The following MALAT1 variants were observed in gnomAD, a reference collection of about 807,000 sequenced individuals.
The protein encoded by MALAT1 is hepcarcin.
exon 3 of MALAT1, chr11:65,502,708 G>C (rs1302979559): frequency 3.9e-6 from 2 of 510,374 alleles, no homozygotes; most frequent in Admixed American, 2.0e-5. Context: ...AGAGAAAACA[G>C]CTCCTTGGTG....
At chr11:65,505,385 G>T (rs776268829) in intron 3 of MALAT1, 44 of 517,100 alleles carry the variant, frequency 8.5e-5, no homozygotes, top group South Asian at 6.2e-4. Context: ...AGTACCCCTG[G>T]GCTTCTCTTA....
exon 3 of MALAT1, chr11:65,499,432 AAC>A (rs1364163643): frequency 8.4e-6 from 4 of 476,908 alleles, no homozygotes; most frequent in Non-Finnish European, 1.7e-5. Flanking sequence ...AGGTGACTTA[AAC>A]AGCTTAAAGT....
chr11:65,498,225 C>G (rs536000823), intron 1 of MALAT1: 39 of 518,868 alleles, frequency 7.5e-5, no homozygotes, highest in Admixed American at 2.3e-4. Flanking sequence ...CTTAGTTGGT[C>G]TACTTTAAAA....
At chr11:65,500,730 A>G (rs972470068) in exon 3 of MALAT1, 7 of 518,920 alleles carry the variant, frequency 1.3e-5, no homozygotes, top group African/African-American at 1.3e-4. Flanking sequence ...CCAGCATGCC[A>G]GTGTGCCAAG....
At chr11:65,501,283 T>C in exon 3 of MALAT1, 1 of 518,344 alleles carries the variant, frequency 1.9e-6, no homozygotes, top group Non-Finnish European at 3.9e-6. Flanking sequence ...CTTAGGTCTG[T>C]CTAGAATCCT....
At chr11:65,502,822 CA>C in exon 3 of MALAT1, 3 of 507,568 alleles carry the variant, frequency 5.9e-6, no homozygotes, top group Admixed American at 2.0e-5. Flanking sequence ...CTGCATATGC[CA>C]AAAAATTTTA....
chr11:65,501,743 A>T (rs1376107718), exon 3 of MALAT1: 1 of 519,020 alleles, frequency 1.9e-6, no homozygotes, highest in Non-Finnish European at 3.8e-6. Flanking sequence ...GCTTTGGTTC[A>T]TATTCAGTCA....
At chr11:65,500,140 T>G (rs539395261) in exon 3 of MALAT1, 1 of 499,312 alleles carries the variant, frequency 2.0e-6, no homozygotes, top group Non-Finnish European at 4.0e-6. Context: ...GAAGGGGAAG[T>G]TGGTTAAAAA....
exon 4 of MALAT1, chr11:65,506,377 C>T (rs1373644395): frequency 6.9e-6 from 3 of 434,232 alleles, no homozygotes; most frequent in Admixed American, 5.7e-5. Flanking sequence ...ACTGCCTTGT[C>T]TTTTTCAGGT....
exon 3 of MALAT1, chr11:65,503,427 T>C (rs774932005): frequency 5.8e-6 from 3 of 516,028 alleles, no homozygotes; most frequent in South Asian, 2.8e-5. Context: ...AAATAATTTC[T>C]TAAAAGCCTC....
intron 3 of MALAT1, chr11:65,504,625 T>A (rs913508363): frequency 1.9e-6 from 1 of 518,960 alleles, no homozygotes; most frequent in Non-Finnish European, 3.8e-6. Flanking sequence ...TTTCTGGTGG[T>A]GGGAGGGGAC....
intron 3 of MALAT1, chr11:65,504,058 A>G (rs775927291): frequency 1.9e-6 from 1 of 518,222 alleles, no homozygotes; most frequent in Non-Finnish European, 3.9e-6. Flanking sequence ...AGTGGTAGGC[A>G]ATGTTTTACA....
intron 3 of MALAT1, chr11:65,503,937 T>C (rs1854613470): frequency 1.9e-6 from 1 of 515,844 alleles, no homozygotes; most frequent in African/African-American, 1.9e-5. Flanking sequence ...AAAAGGTAAT[T>C]ACACATTTTA....
In MALAT1 at chr11:65,498,583, C is replaced by T. The variant is rs769539754; in HGVS notation, n.179-99C>T. 1.7e-5 allele frequency: 9 copies of T among 518,618 alleles called. No individual in the cohort carries two copies. In the East Asian group the frequency reaches 3.8e-4, roughly 22 times the overall value. The allele number at this position is 518,618 out of a possible 1,614,324, so 32.1% of individuals were successfully genotyped here. On this transcript the variant is annotated intron_variant and non_coding_transcript_variant, in intron 1 of 3. Transcript: ENST00000619449. ...GCAAGCAGTTGGGGGAGAAAGTCCG[C>T]CATTTTGCCACTTCTCAACCGTCCC...
chr11:65,503,338 CT>C (rs765531162), exon 3 of MALAT1: 83 of 518,678 alleles, frequency 1.6e-4, no homozygotes, highest in Non-Finnish European at 2.5e-4. Context: ...TCCATCGAGC[CT>C]TTTTAAAATT....
Position 65,499,222 on chromosome 11 carries a change from CT to C in MALAT1, n.487del, listed in dbSNP as rs755404539. ...TAAGTTTTTAACGTAATTTTAATAG[CT>C]TAAGATTTTAAGAGAAAATATGAAG... On this transcript the variant is annotated non_coding_transcript_exon_variant, in exon 3 of 4. Transcript: ENST00000619449. The C allele has an allele frequency of 1.4e-4, 69 of 503,682 alleles. No individual in the cohort carries two copies. In the Admixed American group the frequency reaches 1.4e-3, roughly 10 times the overall value. The allele number at this position is 503,682 out of a possible 1,614,324, so 31.2% of individuals were successfully genotyped here. A position where few individuals can be genotyped will look rare whatever the true frequency, so the allele number is the denominator to read the frequency against.
exon 3 of MALAT1, chr11:65,499,508 C>A: frequency 2.2e-6 from 1 of 463,886 alleles, no homozygotes; most frequent in African/African-American, 2.0e-5. Context: ...GAGATTAAAC[C>A]GAAGGTGATT....
At chr11:65,501,516 T>A (rs1391689206) in exon 3 of MALAT1, 1 of 518,708 alleles carries the variant, frequency 1.9e-6, no homozygotes, top group Admixed American at 1.9e-5. Flanking sequence ...ATTTTTTACT[T>A]GAAGCATTTT....
chr11:65,498,299 C>T (rs1854444971), intron 1 of MALAT1: 1 of 518,394 alleles, frequency 1.9e-6, no homozygotes, highest in Non-Finnish European at 3.9e-6. Context: ...AGCCTGGAAG[C>T]TGAAAAACGG....
Sources: allele counts gnomAD v4.1 joint callset, GRCh38; gene constraint gnomAD v4.1.1; transcripts MANE v1.5; gene names NCBI Gene and HGNC (gene_info 2026-07-23, HGNC 2026-07-21).